The following FLII variants were observed in gnomAD, a reference collection of about 807,000 sequenced individuals.
The protein encoded by FLII is protein flightless-1 homolog.
In FLII, 101 loss-of-function variants were observed where a neutral mutation model predicts 156.2. That is an observed-to-expected ratio of 0.65 (90% confidence interval 0.55 to 0.76). FLII has a LOEUF of 0.76. Ranked by LOEUF, FLII falls within the 30% of genes least tolerant of loss-of-function variation. FLII has a pLI of 0.00. For synonymous variants in FLII, 767 were observed against 685.8 expected, an observed-to-expected ratio of 1.12 and a Z score of -1.85; for missense variants, 1,675 against 1,682.8, an observed-to-expected ratio of 1.00 and a Z score of 0.08.
Position 18,247,710 on chromosome 17 carries a change from G to A in FLII, c.2434C>T (p.His812Tyr). 1 of 1,602,112 alleles carries A rather than the reference G, an allele frequency of 6.2e-7. No homozygotes were observed. The highest frequency in any genetic ancestry group is 8.5e-7 in the Non-Finnish European group (1 of 1,179,290). The stretch of plus-strand genomic sequence containing the variant: ...CTGACCGTGGCATGGCGTGGCCGGT[G>A]CAGCATCCCGCACAGCTCCTGACCC... ...KLGQELCGML[H>Y]RPRHATVSRS... The change falls in exon 20 of 30, where the codon CAC (histidine) becomes TAC (tyrosine). Residue 812 changes from histidine (H) to tyrosine (Y), a missense_variant. Transcript: ENST00000327031.
chr17:18,246,956 A>C lies in FLII; in HGVS notation c.2773T>G (p.Phe925Val). The C allele has an allele frequency of 6.2e-7, 1 of 1,613,504 alleles. No homozygotes were observed. Among genetic ancestry groups the C allele is most frequent in the African/African-American group, 1.3e-5 (1 of 74,784 alleles). Residue 925 changes from phenylalanine to valine, a missense_variant, in exon 22 of 30, where the codon TTT (phenylalanine) becomes GTT (valine). By Grantham distance (50) the Phe-to-Val change is conservative. This residue lies in a region of FLII where 1,332 missense variants were observed against 1,269.3 expected (regional missense o/e 1.05). Transcript: ENST00000327031. ...KKFARLPEEEFGHFYTQDCYV... is the reference protein window; with the variant it reads ...KKFARLPEEEVGHFYTQDCYV... ...CAGTCCTGCGTGTAGAAGTGGCCAA[A>C]CTCCTCTTCCGGCAGCCGCGCAAAC...
At chr17:18,249,066 C>T in intron 16 of FLII, 61 bp downstream of exon 16, 1 of 1,511,612 alleles carries the variant, frequency 6.6e-7, no homozygotes, top group Admixed American at 1.7e-5. Flanking sequence ...CCACACCTGC[C>T]CCCACTGGTG....
intron 18 of FLII, among the ~76,000 whole-genome samples, chr17:18,248,243 C>T (rs2048151241): frequency 1.3e-5 from 2 of 152,186 alleles, no homozygotes; most frequent in Admixed American, 6.5e-5. Flanking sequence ...GCCCTTCATG[C>T]CATTTCTAAT....
intron 4 of FLII, 100 bp from the exon 5 acceptor site, chr17:18,254,954 T>C: frequency 8.2e-7 from 1 of 1,220,776 alleles, no homozygotes; most frequent in Non-Finnish European, 1.2e-6. Context: ...GGTGTGGGGG[T>C]AGATGAGGGG....
intron 24 of FLII, 29 bp downstream of exon 24, chr17:18,246,279 C>T (rs753279393): frequency 3.1e-6 from 5 of 1,614,050 alleles, no homozygotes; most frequent in East Asian, 2.2e-5. Flanking sequence ...GACGCTTGCT[C>T]GCCACTGCGT....
Position 18,248,477 on chromosome 17 carries a change from C to T in FLII, c.2190+73G>A, listed in dbSNP as rs2048157699. 1.4e-5 allele frequency: 19 copies of T among 1,400,614 alleles called. 1 individual carries two copies. Among genetic ancestry groups the T allele is most frequent in the South Asian group, 3.9e-5 (3 of 76,140 alleles). The allele number at this position is 1,400,614 out of a possible 1,614,324, so 86.8% of individuals were successfully genotyped here. On this transcript the variant is annotated intron_variant, in intron 18 of 29. Coordinates refer to ENST00000327031, the MANE Select transcript of FLII (RefSeq NM_002018.4). ...AGATGGAGCCCAAAGCCAACTACAT[C>T]GGTGTGTAGTCCATTCCCCCAGTCG... is the stretch of plus-strand genomic sequence containing the variant.
Position 18,249,130 on chromosome 17 carries a change from G to C in FLII, c.1931C>G (p.Pro644Arg), listed in dbSNP as rs780763532. The C allele has an allele frequency of 2.2e-5, 36 of 1,613,476 alleles. No individual in the cohort carries two copies. Among genetic ancestry groups the C allele is most frequent in the Non-Finnish European group, 2.8e-5 (33 of 1,179,678 alleles). ...PVPLKGTSLD[P>R]RFVFLLDRGL... is the part of the protein sequence containing the mutation. ...ACCTCACATTGTTGGGGCTCACCTT[G>C]GGTCCAGAGAGGTCCCCTTGAGGGG... Residue 644 changes from proline (P) to arginine (R), a missense_variant, in exon 16 of 30, where the codon CCA becomes CGA. Physicochemically the swap from Pro to Arg is moderately radical, Grantham distance 103. Around this residue, in one of 2 missense-constraint regions of FLII, gnomAD observed 1,332 missense variants for 1,269.3 expected, o/e 1.05. Coordinates refer to ENST00000327031, the MANE Select transcript of FLII (RefSeq NM_002018.4).
intron 18 of FLII, 28 bp downstream of exon 18, chr17:18,248,522 C>A: frequency 6.4e-7 from 1 of 1,574,124 alleles, no homozygotes; most frequent in Non-Finnish European, 8.6e-7. Flanking sequence ...CTTGGGAGGC[C>A]AAGGTGGGCC....
At chr17:18,251,121 T>C (rs1404401929) in intron 13 of FLII, 104 bp from the exon 14 acceptor site, 2 of 1,425,456 alleles carry the variant, frequency 1.4e-6, no homozygotes, top group African/African-American at 2.8e-5. Flanking sequence ...AGGGGCTTTG[T>C]ACTGCCCCTG....
Position 18,251,437 on chromosome 17 carries a change from C to T in FLII, c.1424G>A (p.Arg475His), listed in dbSNP as rs768959726. The change falls in exon 13 of 30, where the codon CGT becomes CAT. Residue 475 changes from arginine to histidine, a missense_variant. Coordinates refer to ENST00000327031, the MANE Select transcript of FLII (RefSeq NM_002018.4). Reference protein sequence around the residue: ...DARAPSGKVRRWDQGLEKPRL... With the variant: ...DARAPSGKVRHWDQGLEKPRL... ...GGGCTTCTCCAGGCCCTGGTCCCAA[C>T]GCCGCACCTTCCCGCTGGGGGCCCG... 19 of 1,610,824 alleles carry T rather than the reference C, an allele frequency of 1.2e-5. No individual in the cohort carries two copies. Among genetic ancestry groups the T allele is most frequent in the Admixed American group, 1.7e-5 (1 of 59,970 alleles).
Position 18,244,879 on chromosome 17 carries a change from C to T in FLII, c.*259G>A, listed in dbSNP as rs2047969433. The T allele has an allele frequency of 2.2e-6, 1 of 459,510 alleles. No homozygotes were observed. The highest frequency in any genetic ancestry group is 5.4e-5 in the South Asian group (1 of 18,352). The allele number at this position is 459,510 out of a possible 1,614,324, so 28.5% of individuals were successfully genotyped here. Reference sequence around the variant, plus strand: ...AAAGCATTTAATATCTCTTAAAGGGCATCCACATCTGCTTTATCCCTAGCG... The same window carrying T: ...AAAGCATTTAATATCTCTTAAAGGGTATCCACATCTGCTTTATCCCTAGCG... On this transcript the variant is annotated 3_prime_UTR_variant, in exon 30 of 30. Transcript: ENST00000327031.
chr17:18,247,688 A>C lies in FLII; in HGVS notation c.2456T>G (p.Val819Gly). The C allele has an allele frequency of 6.3e-7, 1 of 1,598,618 alleles. No homozygotes were observed. Among genetic ancestry groups the C allele is most frequent in the South Asian group, 1.1e-5 (1 of 90,792 alleles). ...GMLHRPRHATVSRSLEGTEAQ... is the reference protein window; with the variant it reads ...GMLHRPRHATGSRSLEGTEAQ... The stretch of plus-strand genomic sequence containing the variant: ...CTCGGTGCCCTCGAGGCTGCGGCTG[A>C]CCGTGGCATGGCGTGGCCGGTGCAG... The change falls in exon 20 of 30, where the codon GTC becomes GGC. Residue 819 changes from valine (V) to glycine (G), a missense_variant. This residue lies in a region of FLII where 1,332 missense variants were observed against 1,269.3 expected (regional missense o/e 1.05). Coordinates refer to ENST00000327031, the MANE Select transcript of FLII (RefSeq NM_002018.4).
chr17:18,245,524 T>C (rs760382509), intron 28 of FLII, 31 bp downstream of exon 28: 3 of 1,612,014 alleles, frequency 1.9e-6, no homozygotes, highest in East Asian at 2.2e-5. Context: ...GGCGCCTCCT[T>C]GGATGGGCAG....
chr17:18,247,051 G>A lies in FLII; in HGVS notation c.2678C>T (p.Ala893Val), dbSNP rs1301283964. 7 of 1,612,056 alleles carry A rather than the reference G, an allele frequency of 4.3e-6. No individual in the cohort carries two copies. Among genetic ancestry groups the A allele is most frequent in the East Asian group, 4.5e-5 (2 of 44,824 alleles). ...PRQPPMSLAE[A>V]EQLMEEWNED... ...GTTCCACTCCTCCATCAGCTGCTCC[G>A]CCTGCAGGTGAGAGGGACCCGCCCC... is the stretch of plus-strand genomic sequence containing the variant. Residue 893 changes from alanine (A) to valine (V), a missense_variant and splice_region_variant, in exon 22 of 30, where the codon GCG becomes GTG. By Grantham distance (64) the Ala-to-Val change is moderately conservative. Coordinates refer to ENST00000327031, the MANE Select transcript of FLII (RefSeq NM_002018.4).
Position 18,251,677 on chromosome 17 carries a change from C to T in FLII, c.1383+3G>A, listed in dbSNP as rs1275560901. 1.9e-6 allele frequency: 3 copies of T among 1,613,828 alleles called. No individual in the cohort carries two copies. The highest frequency in any genetic ancestry group is 2.5e-6 in the Non-Finnish European group (3 of 1,180,020). On this transcript the variant is annotated splice_donor_region_variant and intron_variant, in intron 12 of 29. Transcript: ENST00000327031. ...GCCTTGTCCCAACCCTGGCCTGGCT[C>T]ACCTCCTGCTTTTTGTTCTTCTCCT...
At chr17:18,246,567 T>A (rs766717243) in intron 23 of FLII, 27 bp downstream of exon 23, 87 of 1,612,596 alleles carry the variant, frequency 5.4e-5, no homozygotes, top group Middle Eastern at 4.9e-4. Flanking sequence ...CCGCCTGGCC[T>A]CGGGCTCGCG....
At position 18,245,753 on chromosome 17, in the gene FLII, CGTGT is replaced by C. The variant is rs1190499939; in HGVS notation, c.3490_3493del (p.Thr1164ValfsTer14). 4.3e-6 allele frequency: 7 copies of C among 1,613,742 alleles called. No homozygotes were observed. The highest frequency in any genetic ancestry group is 3.3e-5 in the South Asian group (3 of 91,068). The stretch of plus-strand genomic sequence containing the variant: ...AGGGCCCTGGCCTCACCGGAAGAGA[CGTGT>C]GTGTTTCATGTACTCGGCATCGTCA... On this transcript the variant is annotated frameshift_variant, in exon 27 of 30. Coordinates refer to ENST00000327031, the MANE Select transcript of FLII (RefSeq NM_002018.4). LOFTEE classifies it high-confidence loss of function.
Position 18,258,537 on chromosome 17 carries a change from G to A in FLII, c.63+91C>T. ...GCAGTCCCTGGGACACGCAGGGCCT[G>A]GAGCCGAGCGGGACAGGAAGCGGAG... On this transcript the variant is annotated intron_variant, in intron 1 of 29. Transcript: ENST00000327031. This position sits in a 1 kb window ranked among gnomAD's most constrained non-coding sequence, Gnocchi z 4.2. 6.6e-7 allele frequency: 1 copy of A among 1,516,800 alleles called. No individual in the cohort carries two copies. The highest frequency in any genetic ancestry group is 8.8e-7 in the Non-Finnish European group (1 of 1,139,260). 94.0% of individuals were successfully genotyped at this position (1,516,800 alleles called of 1,614,324 possible).
chr17:18,249,651 G>A (rs560938327), intron 14 of FLII, among the ~76,000 whole-genome samples: 2 of 152,102 alleles, frequency 1.3e-5, no homozygotes, highest in Admixed American at 6.5e-5. Flanking sequence ...TTAGCCAGGC[G>A]TGGTGGTGCA....
Sources: allele counts gnomAD v4.1 joint callset (sites outside exome capture counted in the v4.1 genomes callset), GRCh38; gene constraint gnomAD v4.1.1; regional missense constraint gnomAD v4.1.1; non-coding constraint Gnocchi (gnomAD v3.1); transcripts MANE v1.5; gene names NCBI Gene and HGNC (gene_info 2026-07-23, HGNC 2026-07-21).